The following SEC24B variants were observed in gnomAD, a reference collection of about 807,000 sequenced individuals.
The protein encoded by SEC24B is SEC24 homolog B, COPII component.
A neutral mutation model predicts 142.8 loss-of-function variants in SEC24B; 45 were observed. The observed-to-expected ratio is 0.32, with a 90% CI of 0.25 to 0.40. The LOEUF is 0.40. SEC24B is among the 10% of genes least tolerant of loss of function. The pLI is 1.00. For synonymous variants in SEC24B, 574 were observed against 568.2 expected (o/e 1.01, Z -0.15); for missense variants, 1,409 against 1,526.8 (o/e 0.92, Z 1.29).
intron 10 of SEC24B, among the ~76,000 whole-genome samples, chr4:109,515,262 G>A (rs1033013435): frequency 1.3e-5 from 2 of 151,748 alleles, no homozygotes; most frequent in East Asian, 1.9e-4. Flanking sequence ...CACCACGCCC[G>A]GCTAATTTTT....
intron 7 of SEC24B, among the ~76,000 whole-genome samples, chr4:109,508,765 A>G (rs1736995476): frequency 6.6e-6 from 1 of 152,198 alleles, no homozygotes. Context: ...CAATTTATTT[A>G]ACCTCTCAAA....
In SEC24B at chr4:109,512,082, T is replaced by C. The variant is rs576464053; in HGVS notation, c.1902T>C (p.Asp634=). ...WKCNLCYRVN[D]VPEEFMYNPL... ...GCAATTTGTGCTATAGAGTAAACGA[T>C]GGTGAGTTTTAGATTCTTAATTGTG... The change falls in exon 9 of 24, where the codon GAT becomes GAC. Residue 634 remains aspartate, a splice_region_variant and synonymous_variant. Coordinates refer to ENST00000265175, the MANE Select transcript of SEC24B (RefSeq NM_006323.5). The C allele has an allele frequency of 1.1e-4, 172 of 1,603,552 alleles. 1 individual carries two copies. The East Asian group carries it at 3.7e-3, about 35-fold the overall frequency.
At chr4:109,460,732 T>G (rs1472685438) in intron 1 of SEC24B, among the ~76,000 whole-genome samples, 1 of 151,382 alleles carries the variant, frequency 6.6e-6, no homozygotes, top group Non-Finnish European at 1.5e-5. Flanking sequence ...GTAAAGCATT[T>G]AGAACAGTGA....
intron 4 of SEC24B, among the ~76,000 whole-genome samples, chr4:109,483,074 G>T (rs12513176): frequency 3.5e-5 from 4 of 114,964 alleles, no homozygotes; most frequent in Admixed American, 8.4e-5. Context: ...ATATATATAT[G>T]TATGTATATA....
intron 2 of SEC24B, among the ~76,000 whole-genome samples, chr4:109,471,527 T>C (rs752183543): frequency 2.6e-5 from 4 of 152,184 alleles, no homozygotes; most frequent in South Asian, 2.1e-4. Context: ...GTTGGCAGTT[T>C]TAGTGATAAT....
Position 109,538,723 on chromosome 4 carries a change from T to C in SEC24B, c.3692+127T>C, listed in dbSNP as rs369333909. The C allele has an allele frequency of 3.0e-5, 18 of 608,020 alleles. No homozygotes were observed. The East Asian group carries it at 4.0e-4, about 13-fold the overall frequency. 37.7% of individuals were successfully genotyped at this position (608,020 alleles called of 1,614,324 possible). On this transcript the variant is annotated intron_variant, in intron 23 of 23. Coordinates refer to ENST00000265175, the MANE Select transcript of SEC24B (RefSeq NM_006323.5). ...GATGGTAAAATGTTGTTACTTGATT[T>C]AAATCCCCTGTATTCCATTTTCTGA... is the stretch of plus-strand genomic sequence containing the variant.
chr4:109,497,066 C>T (rs1206940394), intron 6 of SEC24B, among the ~76,000 whole-genome samples: 1 of 152,226 alleles, frequency 6.6e-6, no homozygotes, highest in Non-Finnish European at 1.5e-5. Flanking sequence ...GGGCCCACTG[C>T]CTGTTTGTAA....
rs1561116278 is a variant in SEC24B at position 109,482,935 on chromosome 4, A to AATATATATAT, written c.1165+1154_1165+1155insATATATATAT. Among the ~76,000 whole-genome samples the AATATATATAT allele has an allele frequency of 8.3e-4, 31 of 37,530 alleles. 2 individuals carry two copies. Among genetic ancestry groups the AATATATATAT allele is most frequent in the Middle Eastern group, 0.038 (2 of 52 alleles). The allele number at this position is 37,530 out of a possible 152,430, so 24.6% of individuals were successfully genotyped here. A position where few individuals can be genotyped will look rare whatever the true frequency, so the allele number is the denominator to read the frequency against. On this transcript the variant is annotated intron_variant, in intron 4 of 23. Coordinates refer to ENST00000265175, the MANE Select transcript of SEC24B (RefSeq NM_006323.5). ...GCATGAGCTACCTTGCCAGGCTTGT[A>AATATATATAT]CTATATATATATATATATATATATA...
Position 109,531,528 on chromosome 4 carries a change from T to C in SEC24B, c.3390+6T>C. ...TAGACAGATTGACAGATGAGGTATGTATTTTAGTGCATTTGAAATGTTTAA... is the reference window on the plus strand; with the variant it reads ...TAGACAGATTGACAGATGAGGTATGCATTTTAGTGCATTTGAAATGTTTAA... On this transcript the variant is annotated splice_donor_region_variant and intron_variant, in intron 20 of 23. Transcript: ENST00000265175. The C allele has an allele frequency of 6.3e-7, 1 of 1,592,904 alleles. No individual in the cohort carries two copies. The highest frequency in any genetic ancestry group is 8.6e-7 in the Non-Finnish European group (1 of 1,161,874).
At chr4:109,488,701 A>C (rs1158918390) in intron 4 of SEC24B, 1 of 165,912 alleles carries the variant, frequency 6.0e-6, no homozygotes, top group Admixed American at 6.5e-5. Flanking sequence ...ACCATTTTAC[A>C]ATCCAACGAG....
intron 11 of SEC24B, among the ~76,000 whole-genome samples, chr4:109,517,952 TTTATTTA>T (rs1474765589): frequency 2.2e-5 from 1 of 44,846 alleles, no homozygotes; most frequent in Non-Finnish European, 5.8e-5. Context: ...TGTTTGTTTA[TTTATTTA>T]TTTATTTATT....
Position 109,540,470 on chromosome 4 carries a change from A to AT in SEC24B, c.*801dup, listed in dbSNP as rs1190376335. On this transcript the variant is annotated 3_prime_UTR_variant, in exon 24 of 24. Transcript: ENST00000265175. ...TTTCGCTTGACAGTATGGTTTGGTG[A>AT]TTTTTTGGGGTTTTTGTTTGATTGG... 2.6e-5 allele frequency: 4 copies of AT among 152,026 alleles called. No individual in the cohort carries two copies. Among genetic ancestry groups the AT allele is most frequent in the African/African-American group, 4.8e-5 (2 of 41,378 alleles). 9.4% of individuals were successfully genotyped at this position (152,026 alleles called of 1,614,324 possible).
Position 109,525,499 on chromosome 4 carries a change from C to G in SEC24B, c.2786C>G (p.Thr929Ser), listed in dbSNP as rs1724122030. Residue 929 changes from threonine to serine, a missense_variant, in exon 16 of 24, where the codon ACT becomes AGT. Around this residue, in one of 2 missense-constraint regions of SEC24B, gnomAD observed 700 missense variants for 853.3 expected, o/e 0.82. Coordinates refer to ENST00000265175, the MANE Select transcript of SEC24B (RefSeq NM_006323.5). ...GFEAVMRIRC[T>S]KGLSMHTFHG... ...GAAGCTGTTATGAGAATAAGGTGTA[C>G]TAAAGGTATGAAGTTGTAAAAGTTA... is the stretch of plus-strand genomic sequence containing the variant. The G allele has an allele frequency of 1.3e-6, 2 of 1,597,106 alleles. No homozygotes were observed. The highest frequency in any genetic ancestry group is 1.7e-6 in the Non-Finnish European group (2 of 1,172,788).
chr4:109,458,110 A>G (rs77911134), intron 1 of SEC24B, among the ~76,000 whole-genome samples: 7,115 of 148,932 alleles, frequency 0.048, 186 homozygotes, highest in African/African-American at 0.072. Context: ...TTTTTTCTCT[A>G]TGTTTCTTAG....
intron 3 of SEC24B, among the ~76,000 whole-genome samples, chr4:109,479,632 AC>A (rs1733528556): frequency 6.6e-6 from 1 of 151,930 alleles, no homozygotes; most frequent in Non-Finnish European, 1.5e-5. Flanking sequence ...ATGGGGTCTC[AC>A]TATGTTGCCC....
chr4:109,439,651 G>A (rs11727664), intron 1 of SEC24B, among the ~76,000 whole-genome samples: 2 of 150,084 alleles, frequency 1.3e-5, no homozygotes, highest in Admixed American at 6.6e-5. Flanking sequence ...ACAGGCATGC[G>A]CCACCATGCC....
chr4:109,464,168 A>C (rs1174796601), intron 2 of SEC24B, among the ~76,000 whole-genome samples: 1 of 152,184 alleles, frequency 6.6e-6, no homozygotes, highest in African/African-American at 2.4e-5. Context: ...AGTTAGGCTG[A>C]AAGATGGGGA....
chr4:109,449,203 A>C (rs1274224672), intron 1 of SEC24B, among the ~76,000 whole-genome samples: 1 of 151,988 alleles, frequency 6.6e-6, no homozygotes, highest in East Asian at 1.9e-4. Context: ...TTGAAACATC[A>C]TTGACTGAGG....
chr4:109,495,369 C>T (rs1352456624), intron 6 of SEC24B, among the ~76,000 whole-genome samples: 1 of 152,116 alleles, frequency 6.6e-6, no homozygotes, highest in Non-Finnish European at 1.5e-5. Context: ...GAAGTGGCTA[C>T]ATTGTCTGGG....
Sources: gnomAD v4.1 joint callset for allele counts (sites outside exome capture counted in the v4.1 genomes callset) on GRCh38, gnomAD v4.1.1 for gene constraint, gnomAD v4.1.1 regional missense constraint, MANE v1.5 for transcripts, NCBI Gene and HGNC (gene_info 2026-07-23, HGNC 2026-07-21) for gene names.